Variants in LYPD6 observed in about 807,000 individuals in gnomAD.
LYPD6 encodes LY6/PLAUR domain containing 6, also known as ly6/PLAUR domain-containing protein 6.
In LYPD6, 15 loss-of-function variants were observed where a neutral mutation model predicts 22.7. The observed-to-expected ratio is 0.66, with a 90% CI of 0.44 to 1.02. The LOEUF (loss-of-function observed/expected upper bound fraction) is 1.02, where lower values mean the gene tolerates loss of function less well. LYPD6 is among the 50% of genes least tolerant of loss of function. LYPD6 has a pLI of 0.00. For missense variants in LYPD6, 189 were observed against 208.4 expected (o/e 0.91, Z 0.57); for synonymous variants, 72 against 77.5 (o/e 0.93, Z 0.37).
In LYPD6 at chr2:149,389,289, G is replaced by A. The variant is rs148535967; in HGVS notation, c.-71-48349G>A. Reference sequence around the variant, plus strand: ...AGAGAGTTGGGGCCAGTTATACAGGGTGGGGGAGAGTTGGGGTAGCTACTC... The same window carrying A: ...AGAGAGTTGGGGCCAGTTATACAGGATGGGGGAGAGTTGGGGTAGCTACTC... On this transcript the variant is annotated intron_variant, in intron 1 of 4. Coordinates refer to ENST00000334166, the MANE Select transcript of LYPD6 (RefSeq NM_194317.5). Among the ~76,000 whole-genome samples, 275 of 152,234 alleles carry A rather than the reference G, an allele frequency of 1.8e-3. 2 individuals carry two copies. The highest frequency in any genetic ancestry group is 0.017 in the Middle Eastern group (5 of 294).
intron 1 of LYPD6, among the ~76,000 whole-genome samples, chr2:149,333,451 G>A (rs1360949153): frequency 1.3e-5 from 2 of 152,212 alleles, no homozygotes; most frequent in African/African-American, 4.8e-5. Flanking sequence ...TCTTGGTTAA[G>A]TATGTGGGCT....
rs1313788825 is a variant in LYPD6, at chr2:149,375,871, C to T, written c.-72+45149C>T. On this transcript the variant is annotated intron_variant, in intron 1 of 4. Coordinates refer to ENST00000334166, the MANE Select transcript of LYPD6 (RefSeq NM_194317.5). ...AGAGAGTTAGACAGGATGTGACTAA[C>T]GAGAACAATGCCATCAATATGCAAA... 2.0e-5 allele frequency among the ~76,000 whole-genome samples: 3 copies of T among 152,120 alleles called. No homozygotes were observed. In the East Asian group the frequency reaches 5.8e-4, roughly 29 times the overall value.
chr2:149,377,905 C>T (rs995307537), intron 1 of LYPD6, among the ~76,000 whole-genome samples: 10 of 151,514 alleles, frequency 6.6e-5, no homozygotes, highest in Admixed American at 5.9e-4. Flanking sequence ...CTGCAGGCCT[C>T]ATGTGTATTC....
intron 1 of LYPD6, among the ~76,000 whole-genome samples, chr2:149,431,061 A>G (rs1049161059): frequency 3.9e-5 from 6 of 152,206 alleles, no homozygotes; most frequent in Non-Finnish European, 8.8e-5. Context: ...ATCCATTGGA[A>G]TAAAACCAGC....
chr2:149,424,547 T>G (rs1036321175), intron 1 of LYPD6, among the ~76,000 whole-genome samples: 2 of 152,224 alleles, frequency 1.3e-5, no homozygotes, highest in African/African-American at 2.4e-5. Context: ...AAATAAGGCC[T>G]GTAGCCACCT....
At chr2:149,359,939 G>A (rs1447044720) in intron 1 of LYPD6, among the ~76,000 whole-genome samples, 4 of 152,174 alleles carry the variant, frequency 2.6e-5, no homozygotes, top group African/African-American at 9.7e-5. Flanking sequence ...CTGTTCCATA[G>A]GCAGAGCAGC....
At chr2:149,416,963 T>A (rs967123774) in intron 1 of LYPD6, among the ~76,000 whole-genome samples, 11 of 152,114 alleles carry the variant, frequency 7.2e-5, no homozygotes, top group Admixed American at 6.5e-4. Flanking sequence ...TGTGACAGCA[T>A]GGGAAGATGT....
chr2:149,429,369 G>T (rs1683263355), intron 1 of LYPD6, among the ~76,000 whole-genome samples: 1 of 152,194 alleles, frequency 6.6e-6, no homozygotes, highest in African/African-American at 2.4e-5. Flanking sequence ...AAAGTTGAGG[G>T]ATGAAAATTC....
At chr2:149,383,676 C>T (rs1387395147) in intron 1 of LYPD6, among the ~76,000 whole-genome samples, 1 of 152,144 alleles carries the variant, frequency 6.6e-6, no homozygotes, top group African/African-American at 2.4e-5. Flanking sequence ...TTGGTAAATT[C>T]CAATGAAGTG....
chr2:149,452,903 G>A (rs1680868104), intron 3 of LYPD6, among the ~76,000 whole-genome samples: 1 of 152,170 alleles, frequency 6.6e-6, no homozygotes, highest in South Asian at 2.1e-4. Context: ...GCTAACTCAG[G>A]TTCCCTGTCT....
At chr2:149,365,831 T>A (rs142273001) in intron 1 of LYPD6, among the ~76,000 whole-genome samples, 1 of 152,286 alleles carries the variant, frequency 6.6e-6, no homozygotes, top group Non-Finnish European at 1.5e-5. Context: ...TGATATCTGA[T>A]GTTTTTGTTC....
intron 2 of LYPD6, among the ~76,000 whole-genome samples, chr2:149,446,592 A>G (rs1683694086): frequency 6.6e-6 from 1 of 152,170 alleles, no homozygotes; most frequent in Non-Finnish European, 1.5e-5. Context: ...AAATTTCCTC[A>G]TGAAAATGGA....
chr2:149,485,993 G>A, the LYPD6 span, among the ~76,000 whole-genome samples: 1 of 152,170 alleles, frequency 6.6e-6, no homozygotes, highest in Non-Finnish European at 1.5e-5. Flanking sequence ...CTAATAGTTT[G>A]TAGTGTGACT....
intron 1 of LYPD6, among the ~76,000 whole-genome samples, chr2:149,348,490 G>A (rs1313102800): frequency 6.6e-6 from 1 of 152,222 alleles, no homozygotes; most frequent in Admixed American, 6.5e-5. Context: ...AAGGGAGAGA[G>A]CCCTGAGGAC....
intron 1 of LYPD6, among the ~76,000 whole-genome samples, chr2:149,357,972 G>T (rs1267791580): frequency 6.6e-6 from 1 of 151,914 alleles, no homozygotes; most frequent in Non-Finnish European, 1.5e-5. Context: ...TTTTAGTAGA[G>T]ATAGGGTTTT....
At chr2:149,387,047 C>G (rs1186810375) in intron 1 of LYPD6, among the ~76,000 whole-genome samples, 1 of 152,034 alleles carries the variant, frequency 6.6e-6, no homozygotes, top group Admixed American at 6.6e-5. Context: ...ACTGCAGTGG[C>G]CATTGAGACC....
At chr2:149,442,434 CT>C (rs1444758410) in intron 2 of LYPD6, among the ~76,000 whole-genome samples, 6 of 152,048 alleles carry the variant, frequency 3.9e-5, no homozygotes, top group Non-Finnish European at 5.9e-5. Flanking sequence ...TTTGGCGTTT[CT>C]TTTTTTCTTT....
chr2:149,459,052 T>C (rs1314454763), intron 3 of LYPD6, among the ~76,000 whole-genome samples: 1 of 152,024 alleles, frequency 6.6e-6, no homozygotes. Context: ...CAGCTAAAAG[T>C]TTTTCTAAGA....
intron 3 of LYPD6, among the ~76,000 whole-genome samples, chr2:149,467,079 C>T (rs1681217324): frequency 6.6e-6 from 1 of 152,232 alleles, no homozygotes; most frequent in Non-Finnish European, 1.5e-5. Context: ...GCTGCCTCTT[C>T]TTCAACAGAA....
Sources: gnomAD v4.1 joint callset for allele counts (sites outside exome capture counted in the v4.1 genomes callset) on GRCh38, gnomAD v4.1.1 for gene constraint, MANE v1.5 for transcripts, NCBI Gene and HGNC (gene_info 2026-07-23, HGNC 2026-07-21) for gene names.